The following MAD1L1 variants were observed in gnomAD, a reference collection of about 807,000 sequenced individuals.
MAD1L1 encodes the protein mitotic spindle assembly checkpoint protein MAD1.
In MAD1L1, 95 loss-of-function variants were observed where a neutral mutation model predicts 96.9. The observed-to-expected ratio is 0.98, with a 90% confidence interval of 0.83 to 1.16. The LOEUF (loss-of-function observed/expected upper bound fraction) is 1.16, where lower values mean the gene tolerates loss of function less well. MAD1L1 is among the 50% of genes most tolerant of loss of function. The probability of loss-of-function intolerance (pLI) is 0.00; values close to 1 mark genes in which losing one functional copy is unlikely to be tolerated. For synonymous variants in MAD1L1, 473 were observed against 396.6 expected (o/e 1.19, Z -2.29); for missense variants, 1,007 against 954.4 (o/e 1.06, Z -0.73).
chr7:2,231,392 G>T (rs577270890), intron 1 of MAD1L1, among the ~76,000 whole-genome samples: 1 of 152,126 alleles, frequency 6.6e-6, no homozygotes, highest in African/African-American at 2.4e-5. Flanking sequence ...GGCCAAGATG[G>T]GCAGATCACC....
At chr7:2,229,920 A>T (rs1794106896) in intron 3 of MAD1L1, 64 bp downstream of exon 3, 8 of 1,549,660 alleles carry the variant, frequency 5.2e-6, no homozygotes, top group Non-Finnish European at 7.0e-6. Context: ...GAAGACTGGA[A>T]GAGGTCCTGC....
At chr7:2,165,750 A>G (rs1790397211) in intron 10 of MAD1L1, among the ~76,000 whole-genome samples, 1 of 152,160 alleles carries the variant, frequency 6.6e-6, no homozygotes, top group Admixed American at 6.5e-5. Flanking sequence ...AGGTACAGGG[A>G]AAGACTGACG....
At chr7:2,056,440 A>G (rs73283515) in intron 12 of MAD1L1, among the ~76,000 whole-genome samples, 10,988 of 151,984 alleles carry the variant, frequency 0.072, 1,262 homozygotes, top group African/African-American at 0.24. Flanking sequence ...AGAGGGCTAG[A>G]TCTCACACCC....
At chr7:2,227,819 G>A (rs977433106) in intron 3 of MAD1L1, among the ~76,000 whole-genome samples, 1 of 152,214 alleles carries the variant, frequency 6.6e-6, no homozygotes, top group Non-Finnish European at 1.5e-5. Flanking sequence ...CCGCCTGCAG[G>A]GGGCACGACC....
intron 10 of MAD1L1, among the ~76,000 whole-genome samples, chr7:2,206,853 G>A (rs1207916330): frequency 3.3e-5 from 5 of 151,782 alleles, no homozygotes; most frequent in African/African-American, 4.8e-5. Context: ...AGGCCAAGGC[G>A]GGTGGATCAC....
At position 1,936,823 on chromosome 7, in the gene MAD1L1, C is replaced by T; in HGVS notation, c.1671G>A (p.Leu557=). 1 of 1,602,906 alleles carries T rather than the reference C, an allele frequency of 6.2e-7. No individual in the cohort carries two copies. The highest frequency in any genetic ancestry group is 8.5e-7 in the Non-Finnish European group (1 of 1,175,540). ...LNPTSVARQR[L]REDHSQLQAE... ...CCTGCAGCTGGCTGTGGTCCTCGCG[C>T]AGGCGCTGCCTGGCCACACTGGTGG... Residue 557 remains leucine (L), a synonymous_variant, in exon 17 of 19, where the codon CTG becomes CTA. Coordinates refer to ENST00000265854, the MANE Select transcript of MAD1L1 (RefSeq NM_001013836.2).
At chr7:2,197,021 C>T (rs187685446) in intron 10 of MAD1L1, among the ~76,000 whole-genome samples, 24 of 152,340 alleles carry the variant, frequency 1.6e-4, no homozygotes, top group African/African-American at 4.8e-4. Flanking sequence ...TCACAATTGG[C>T]GGATGTGCTC....
intron 1 of MAD1L1, among the ~76,000 whole-genome samples, chr7:2,230,977 A>C (rs560623289): frequency 6.6e-6 from 1 of 152,338 alleles, no homozygotes; most frequent in South Asian, 2.1e-4. Context: ...GAATCCAGTC[A>C]GTTGATGCCT....
At chr7:2,200,302 C>T (rs1359294188) in intron 10 of MAD1L1, 2 of 152,546 alleles carry the variant, frequency 1.3e-5, no homozygotes, top group Non-Finnish European at 2.9e-5. Flanking sequence ...CTCCTCAGGA[C>T]TCCCCACCAG....
At chr7:2,204,643 G>A (rs1408684652) in intron 10 of MAD1L1, among the ~76,000 whole-genome samples, 2 of 152,244 alleles carry the variant, frequency 1.3e-5, no homozygotes, top group African/African-American at 2.4e-5. Context: ...CCGCTGCCGC[G>A]CATTACACTG....
At chr7:1,970,319 T>C (rs1358799345) in intron 15 of MAD1L1, among the ~76,000 whole-genome samples, 1 of 151,172 alleles carries the variant, frequency 6.6e-6, no homozygotes, top group African/African-American at 2.4e-5. Context: ...TACTATATAA[T>C]TTTAATTTTT....
rs558680782 is a variant in MAD1L1 at position 2,146,883 on chromosome 7, C to A, written c.1073+2269G>T. On this transcript the variant is annotated intron_variant, in intron 11 of 18. Transcript: ENST00000265854. This position sits in a 1 kb window ranked among gnomAD's most constrained non-coding sequence, Gnocchi z 6.2. ...CCGCGACGAACACGGTGTCCCGCCACGGAAGAGAGCAGCAGCCCAGAGGCC... is the reference window on the plus strand; with the variant it reads ...CCGCGACGAACACGGTGTCCCGCCAAGGAAGAGAGCAGCAGCCCAGAGGCC... 6.6e-6 allele frequency among the ~76,000 whole-genome samples: 1 copy of A among 152,222 alleles called. No individual in the cohort carries two copies. Among genetic ancestry groups the A allele is most frequent in the African/African-American group, 2.4e-5 (1 of 41,452 alleles).
intron 16 of MAD1L1, among the ~76,000 whole-genome samples, chr7:1,943,983 A>G (rs561536698): frequency 6.6e-6 from 1 of 152,348 alleles, no homozygotes; most frequent in Admixed American, 6.5e-5. Context: ...AAGAAGGAAT[A>G]CACCACCGAC....
intron 11 of MAD1L1, among the ~76,000 whole-genome samples, chr7:2,100,783 G>A (rs1786741187): frequency 6.6e-6 from 1 of 152,242 alleles, no homozygotes; most frequent in Admixed American, 6.5e-5. Flanking sequence ...AGCTGGCCCT[G>A]AAGGGGGTTG....
In MAD1L1 at chr7:1,966,869, G is replaced by C. The variant is rs1397998442; in HGVS notation, c.1506-9150C>G. On this transcript the variant is annotated intron_variant, in intron 15 of 18. Coordinates refer to ENST00000265854, the MANE Select transcript of MAD1L1 (RefSeq NM_001013836.2). ...CAGGGCAGAGCTCCTTCAGGAACAC[G>C]AGAGGAATAAAGACGGACCCACCCG... is the stretch of plus-strand genomic sequence containing the variant. Among the ~76,000 whole-genome samples, 5 of 152,246 alleles carry C rather than the reference G, an allele frequency of 3.3e-5. No individual in the cohort carries two copies. The East Asian group carries it at 9.6e-4, about 29-fold the overall frequency.
chr7:2,186,329 T>C (rs772170542), intron 10 of MAD1L1, among the ~76,000 whole-genome samples: 1 of 152,062 alleles, frequency 6.6e-6, no homozygotes, highest in African/African-American at 2.4e-5. Context: ...AATAAGGAAA[T>C]AGTTAAAATA....
At chr7:1,922,794 G>A (rs933385353) in intron 17 of MAD1L1, among the ~76,000 whole-genome samples, 168 of 152,196 alleles carry the variant, frequency 1.1e-3, no homozygotes, top group Admixed American at 5.7e-3. Context: ...GGGGTTCTCG[G>A]CTTCTCCTGG....
intron 10 of MAD1L1, among the ~76,000 whole-genome samples, chr7:2,189,084 C>T (rs573851349): frequency 6.6e-6 from 1 of 152,260 alleles, no homozygotes; most frequent in South Asian, 2.1e-4. Flanking sequence ...GTGCTCCACA[C>T]CACTAATCAT....
At chr7:2,210,658 A>C (rs35173522) in intron 10 of MAD1L1, among the ~76,000 whole-genome samples, 35,613 of 151,754 alleles carry the variant, frequency 0.23, 4,553 homozygotes, top group Middle Eastern at 0.4. Flanking sequence ...GCAGAACCAC[A>C]CTCAGACACC....
Sources: allele counts gnomAD v4.1 joint callset (sites outside exome capture counted in the v4.1 genomes callset), GRCh38; gene constraint gnomAD v4.1.1; non-coding constraint Gnocchi (gnomAD v3.1); transcripts MANE v1.5; gene names NCBI Gene and HGNC (gene_info 2026-07-23, HGNC 2026-07-21).